The following CD300LF variants were observed in gnomAD, a reference collection of about 807,000 sequenced individuals.
The protein encoded by CD300LF is CD300 molecule like family member f.
Under a neutral mutation model 32.2 loss-of-function variants are expected in CD300LF, and 27 were observed. The ratio of observed to expected loss-of-function variants is 0.84; its 90% CI spans 0.62 to 1.15. The LOEUF (loss-of-function observed/expected upper bound fraction) is 1.15, where lower values mean the gene tolerates loss of function less well. Among genes scored for constraint, CD300LF ranks in the 50% most tolerant of loss-of-function variants. The pLI is 0.00. For synonymous variants in CD300LF, 139 were observed against 143.2 expected, an observed-to-expected ratio of 0.97 and a Z score of 0.21; for missense variants, 348 against 356.8, an observed-to-expected ratio of 0.98 and a Z score of 0.20.
intron 1 of CD300LF, among the ~76,000 whole-genome samples, chr17:74,706,339 T>C (rs1410670156): frequency 6.7e-6 from 1 of 148,770 alleles, no homozygotes; most frequent in Non-Finnish European, 1.5e-5. Flanking sequence ...CAACTGTGCC[T>C]GGCCTTTTTT....
rs1317512135 is a variant in CD300LF, at chr17:74,696,304, G to A, written c.560-87C>T. ...AGGTCTAGGGAAGAGAAATATGGAA[G>A]AAAAGAGGTGAATTGGGTCCAGGCT... is the stretch of plus-strand genomic sequence containing the variant. On this transcript the variant is annotated intron_variant, in intron 4 of 6. Coordinates refer to ENST00000326165, the MANE Select transcript of CD300LF (RefSeq NM_139018.5). The A allele has an allele frequency of 5.7e-6, 8 of 1,402,970 alleles. No homozygotes were observed. The East Asian group carries it at 1.5e-4, about 26-fold the overall frequency. 86.9% of individuals were successfully genotyped at this position (1,402,970 alleles called of 1,614,324 possible).
chr17:74,695,313 G>A lies in CD300LF; in HGVS notation c.718-62C>T, dbSNP rs947078162. 5 of 1,589,586 alleles carry A rather than the reference G, an allele frequency of 3.1e-6. No homozygotes were observed. The South Asian group carries it at 3.4e-5, about 11-fold the overall frequency. On this transcript the variant is annotated intron_variant, in intron 6 of 6. Transcript: ENST00000326165. ...CAGGAAGTGACGGTCACGGGGCAGA[G>A]GAGCCCTCGGAGGAGGATAGTGGGG...
chr17:74,697,207 G>C (rs2032572455), intron 4 of CD300LF, among the ~76,000 whole-genome samples: 1 of 152,140 alleles, frequency 6.6e-6, no homozygotes, highest in South Asian at 2.1e-4. Flanking sequence ...ACCTCCCTAA[G>C]TGCGGAGATT....
At chr17:74,712,188 C>A (rs1172880657) in intron 1 of CD300LF, among the ~76,000 whole-genome samples, 1 of 152,140 alleles carries the variant, frequency 6.6e-6, no homozygotes, top group Non-Finnish European at 1.5e-5. Context: ...AGGAATGAGC[C>A]TCTTTCCCTG....
At chr17:74,701,465 T>A (rs1002679334) in intron 3 of CD300LF, among the ~76,000 whole-genome samples, 1 of 152,158 alleles carries the variant, frequency 6.6e-6, no homozygotes, top group Non-Finnish European at 1.5e-5. Context: ...CATAAAATAA[T>A]AAATAAATAA....
At chr17:74,709,614 C>G (rs746904346) in intron 1 of CD300LF, among the ~76,000 whole-genome samples, 11 of 151,986 alleles carry the variant, frequency 7.2e-5, no homozygotes, top group Non-Finnish European at 1.0e-4. Flanking sequence ...TCACCCAGGC[C>G]GGAGTGCACT....
rs545408892 is a variant in CD300LF at position 74,710,739 on chromosome 17, C to A, written c.43+2085G>T. ...AAAAAAATAGCCAGGCATGCTGGCA[C>A]ACCTGTAATCCCAGCTACTTGGGAG... On this transcript the variant is annotated intron_variant, in intron 1 of 6. Coordinates refer to ENST00000326165, the MANE Select transcript of CD300LF (RefSeq NM_139018.5). 2.6e-5 allele frequency among the ~76,000 whole-genome samples: 4 copies of A among 151,694 alleles called. No homozygotes were observed. In the South Asian group the frequency reaches 8.4e-4, roughly 32 times the overall value.
chr17:74,704,543 T>G lies in CD300LF; in HGVS notation c.317A>C (p.Tyr106Ser). 1 of 1,614,158 alleles carries G rather than the reference T, an allele frequency of 6.2e-7. No individual in the cohort carries two copies. Among genetic ancestry groups the G allele is most frequent in the Non-Finnish European group, 8.5e-7 (1 of 1,180,020 alleles). ...TCCAGTTTTCTCAATTCCACACCAG[T>G]AAGTGTCAGCATCAGTTTTCATGAG... is the stretch of plus-strand genomic sequence containing the variant. ...EDLMKTDADT[Y>S]WCGIEKTGND... is the part of the protein sequence containing the mutation. Residue 106 changes from tyrosine to serine, a missense_variant, in exon 2 of 7, where the codon TAC becomes TCC. Transcript: ENST00000326165.
intron 1 of CD300LF, among the ~76,000 whole-genome samples, chr17:74,708,852 C>G (rs1185260522): frequency 1.4e-5 from 2 of 147,470 alleles, no homozygotes; most frequent in African/African-American, 5.0e-5. Context: ...GGGGGCGGAG[C>G]TTGCAGTGAG....
At chr17:74,704,393 G>A in intron 2 of CD300LF, 85 bp downstream of exon 2, 1 of 982,792 alleles carries the variant, frequency 1.0e-6, no homozygotes, top group Non-Finnish European at 1.5e-6. Context: ...ATCACTCAGT[G>A]ACAATTAAAT....
chr17:74,709,085 G>A (rs1000379274), intron 1 of CD300LF, among the ~76,000 whole-genome samples: 2 of 151,638 alleles, frequency 1.3e-5, no homozygotes, highest in Admixed American at 6.6e-5. Context: ...TTAGCTGGGC[G>A]TGGTGGCGGG....
At position 74,704,941 on chromosome 17, in the gene CD300LF, C is replaced by T; in HGVS notation, c.44-125G>A. The stretch of plus-strand genomic sequence containing the variant: ...AAATAACAGTCAAGGAAGAAATACA[C>T]CTTCCGCAGACAAAACTTTTGTCCT... On this transcript the variant is annotated intron_variant, in intron 1 of 6. Coordinates refer to ENST00000326165, the MANE Select transcript of CD300LF (RefSeq NM_139018.5). 10 of 762,454 alleles carry T rather than the reference C, an allele frequency of 1.3e-5. No individual in the cohort carries two copies. The South Asian group carries it at 1.5e-4, about 11-fold the overall frequency. 47.2% of individuals were successfully genotyped at this position (762,454 alleles called of 1,614,324 possible).
chr17:74,695,942 G>T, intron 5 of CD300LF, 83 bp from the exon 6 acceptor site: 1 of 1,487,118 alleles, frequency 6.7e-7, no homozygotes, highest in Non-Finnish European at 9.1e-7. Context: ...CGGGACGAGA[G>T]CCTCTCCACT....
chr17:74,697,315 C>T (rs547473998), intron 4 of CD300LF, among the ~76,000 whole-genome samples: 1 of 152,242 alleles, frequency 6.6e-6, no homozygotes, highest in East Asian at 1.9e-4. Flanking sequence ...TTTCTCCCCT[C>T]CCCAGCCACC....
chr17:74,704,342 G>T, intron 2 of CD300LF, 136 bp downstream of exon 2: 1 of 662,926 alleles, frequency 1.5e-6, no homozygotes, highest in South Asian at 1.9e-5. Flanking sequence ...AGTCCCAGGT[G>T]GTCAGTCAGG....
chr17:74,698,557 G>A, intron 3 of CD300LF, 76 bp from the exon 4 acceptor site: 1 of 1,534,936 alleles, frequency 6.5e-7, no homozygotes, highest in Non-Finnish European at 8.8e-7. Context: ...CCACCCAGCA[G>A]CAGGGGAGGG....
intron 1 of CD300LF, among the ~76,000 whole-genome samples, chr17:74,711,688 C>T (rs924188152): frequency 5.5e-4 from 83 of 152,098 alleles, no homozygotes; most frequent in African/African-American, 1.9e-3. Flanking sequence ...AAGCTGGTCC[C>T]GATCCTGTGT....
intron 1 of CD300LF, among the ~76,000 whole-genome samples, chr17:74,708,203 TAA>T (rs1252478303): frequency 4.6e-5 from 7 of 150,738 alleles, no homozygotes; most frequent in African/African-American, 1.7e-4. Flanking sequence ...TACAATATGC[TAA>T]AATCAGCACA....
Position 74,702,601 on chromosome 17 carries a change from T to C in CD300LF, c.446+434A>G, listed in dbSNP as rs985910243. ...ACTTCCCCAAGCCCTCCTTTCCTTG[T>C]CCTCCCAGAAGTTGAACCAAGAGTC... On this transcript the variant is annotated intron_variant, in intron 3 of 6. Transcript: ENST00000326165. 2.6e-5 allele frequency among the ~76,000 whole-genome samples: 4 copies of C among 152,120 alleles called. No homozygotes were observed. In the East Asian group the frequency reaches 7.7e-4, roughly 29 times the overall value.
Sources: gnomAD v4.1 joint callset for allele counts (sites outside exome capture counted in the v4.1 genomes callset) on GRCh38, gnomAD v4.1.1 for gene constraint, MANE v1.5 for transcripts, NCBI Gene and HGNC (gene_info 2026-07-23, HGNC 2026-07-21) for gene names.